The following GSKIP variants were observed in gnomAD, a reference collection of about 807,000 sequenced individuals.
GSKIP encodes GSK3B interacting protein.
In GSKIP, 5 loss-of-function variants were observed where a neutral mutation model predicts 11.9. The observed-to-expected ratio is 0.42, with a 90% CI of 0.22 to 0.89. The LOEUF (loss-of-function observed/expected upper bound fraction) is 0.89. GSKIP is among the 40% of genes least tolerant of loss of function. The pLI, the probability that GSKIP is intolerant of heterozygous loss-of-function variation, is 0.29. For missense variants in GSKIP, 150 were observed against 166.6 expected, an observed-to-expected ratio of 0.90 and a Z score of 0.55; for synonymous variants, 70 against 62.9, an observed-to-expected ratio of 1.11 and a Z score of -0.54.
rs771137320 is a variant in GSKIP, at chr14:96,382,419, C to T, written c.172C>T (p.Arg58Trp). The change falls in exon 3 of 4, where the codon CGG becomes TGG. Residue 58 changes from arginine (R) to tryptophan (W), a missense_variant. Coordinates refer to ENST00000555181, the MANE Select transcript of GSKIP (RefSeq NM_016472.5). ...CAACATGTTTGTCTCGAAAAGCCTGCGGTGTGCGGATGATGTGGCCTATAT... is the reference window on the plus strand; with the variant it reads ...CAACATGTTTGTCTCGAAAAGCCTGTGGTGTGCGGATGATGTGGCCTATAT... ...VNNMFVSKSL[R>W]CADDVAYINV... 19 of 1,612,822 alleles carry T rather than the reference C, an allele frequency of 1.2e-5. 1 individual carries two copies. In the African/African-American group the frequency reaches 1.3e-4, roughly 11 times the overall value.
chr14:96,364,635 T>C (rs1888815862), intron 1 of GSKIP: 1 of 152,216 alleles, frequency 6.6e-6, no homozygotes. Flanking sequence ...TTGCTTGGAT[T>C]GTTGATTTCC....
intron 3 of GSKIP, 98 bp from the exon 4 acceptor site, chr14:96,385,425 T>A: frequency 1.1e-6 from 1 of 915,342 alleles, no homozygotes; most frequent in Non-Finnish European, 1.7e-6. Flanking sequence ...AGAAATAATT[T>A]ATTTTTTTGA....
rs1889472948 is a variant in GSKIP, at chr14:96,385,712, G to A, written c.*28G>A. On this transcript the variant is annotated 3_prime_UTR_variant, in exon 4 of 4. Transcript: ENST00000555181. ...ACACTTTTTCCTTTCAGAGGGGCTG[G>A]TGCTGGTACAGAATGTTGATATAAA... is the stretch of plus-strand genomic sequence containing the variant. 1 of 1,576,236 alleles carries A rather than the reference G, an allele frequency of 6.3e-7. No homozygotes were observed. The highest frequency in any genetic ancestry group is 8.6e-7 in the Non-Finnish European group (1 of 1,158,098).
chr14:96,370,458 G>A (rs11850058), intron 1 of GSKIP, among the ~76,000 whole-genome samples: 1,568 of 152,214 alleles, frequency 0.01, 34 homozygotes, highest in African/African-American at 0.036. Context: ...GAGATGGGAC[G>A]TGGTGAGAGC....
At chr14:96,378,033 C>A (rs1208063703) in intron 1 of GSKIP, among the ~76,000 whole-genome samples, 1 of 152,172 alleles carries the variant, frequency 6.6e-6, no homozygotes, top group Non-Finnish European at 1.5e-5. Flanking sequence ...TGCTTAGCAC[C>A]TTATGTTGCC....
At chr14:96,369,080 A>G (rs1888976160) in intron 1 of GSKIP, among the ~76,000 whole-genome samples, 1 of 152,196 alleles carries the variant, frequency 6.6e-6, no homozygotes, top group African/African-American at 2.4e-5. Context: ...TGGGAATTGG[A>G]GCAAACATCA....
chr14:96,374,982 A>T (rs1408143480), intron 1 of GSKIP, among the ~76,000 whole-genome samples: 1 of 152,262 alleles, frequency 6.6e-6, no homozygotes, highest in African/African-American at 2.4e-5. Context: ...AGCAAGAATA[A>T]TAACATTATG....
In GSKIP at chr14:96,385,895, C is replaced by A; in HGVS notation, c.*211C>A. On this transcript the variant is annotated 3_prime_UTR_variant, in exon 4 of 4. Transcript: ENST00000555181. ...GAATTCTGAGGCCGTTGCTATGATA[C>A]CATCATTAAGACATTCACATGTCTT... The A allele has an allele frequency of 8.2e-6, 4 of 485,710 alleles. No homozygotes were observed. The South Asian group carries it at 1.0e-4, about 12-fold the overall frequency. 30.1% of individuals were successfully genotyped at this position (485,710 alleles called of 1,614,324 possible). A position where few individuals can be genotyped will look rare whatever the true frequency, so the allele number is the denominator to read the frequency against.
At chr14:96,363,870 C>T (rs1053214226) in intron 1 of GSKIP, 2 of 152,352 alleles carry the variant, frequency 1.3e-5, no homozygotes, top group Non-Finnish European at 2.9e-5. Context: ...CCGCCCGCAC[C>T]CGAGCATTGA....
intron 1 of GSKIP, among the ~76,000 whole-genome samples, chr14:96,372,510 G>C (rs79543291): frequency 6.6e-6 from 1 of 152,180 alleles, no homozygotes; most frequent in African/African-American, 2.4e-5. Context: ...CTTCAAAGTC[G>C]TGTTAAAATA....
intron 1 of GSKIP, among the ~76,000 whole-genome samples, chr14:96,376,753 C>T (rs757159801): frequency 6.6e-6 from 1 of 151,844 alleles, no homozygotes; most frequent in African/African-American, 2.4e-5. Context: ...GTTTTCTTTC[C>T]CAAAGTAGAC....
intron 3 of GSKIP, among the ~76,000 whole-genome samples, chr14:96,383,534 T>C (rs1265051043): frequency 1.3e-5 from 2 of 152,250 alleles, no homozygotes; most frequent in Admixed American, 1.3e-4. Flanking sequence ...TGTGTTTCTA[T>C]ATTTATTCAA....
At chr14:96,365,457 G>A (rs1163604380) in intron 1 of GSKIP, among the ~76,000 whole-genome samples, 1 of 130,596 alleles carries the variant, frequency 7.7e-6, no homozygotes, top group Non-Finnish European at 1.6e-5. Flanking sequence ...AAAAGTAGAA[G>A]CTGGGCAGTT....
At chr14:96,385,426 A>T (rs1889462753) in intron 3 of GSKIP, 97 bp from the exon 4 acceptor site, 2 of 923,444 alleles carry the variant, frequency 2.2e-6, no homozygotes, top group Non-Finnish European at 1.6e-6. Flanking sequence ...GAAATAATTT[A>T]TTTTTTTGAA....
At chr14:96,372,438 T>C (rs1889072657) in intron 1 of GSKIP, among the ~76,000 whole-genome samples, 1 of 152,212 alleles carries the variant, frequency 6.6e-6, no homozygotes, top group African/African-American at 2.4e-5. Context: ...TTGGCCATCT[T>C]GAGAGCAGAT....
At chr14:96,366,342 T>C (rs536902632) in intron 1 of GSKIP, among the ~76,000 whole-genome samples, 32 of 152,314 alleles carry the variant, frequency 2.1e-4, no homozygotes, top group African/African-American at 7.5e-4. Flanking sequence ...ATTTCAAATA[T>C]CAGAAAGGAA....
intron 2 of GSKIP, among the ~76,000 whole-genome samples, chr14:96,380,911 C>G (rs761205997): frequency 6.6e-6 from 1 of 152,172 alleles, no homozygotes; most frequent in Non-Finnish European, 1.5e-5. Context: ...TAATCTAACT[C>G]CAGTGTGGTG....
chr14:96,380,165 T>C (rs181319391), intron 2 of GSKIP: 1 of 152,364 alleles, frequency 6.6e-6, no homozygotes, highest in East Asian at 1.9e-4. Context: ...ATTGGTAATT[T>C]TATAATTAAC....
chr14:96,372,506 AG>A (rs1162516525), intron 1 of GSKIP, among the ~76,000 whole-genome samples: 1 of 152,258 alleles, frequency 6.6e-6, no homozygotes, highest in African/African-American at 2.4e-5. Context: ...AAGTCTTCAA[AG>A]TCGTGTTAAA....
Sources: allele counts gnomAD v4.1 joint callset (sites outside exome capture counted in the v4.1 genomes callset), GRCh38; gene constraint gnomAD v4.1.1; transcripts MANE v1.5; gene names NCBI Gene and HGNC (gene_info 2026-07-23, HGNC 2026-07-21).